ASIC2: variants seen among roughly 807,000 people sequenced by gnomAD.
The protein encoded by ASIC2 is acid-sensing ion channel 2.
A neutral mutation model predicts 57.3 loss-of-function variants in ASIC2; 25 were observed. The ratio of observed to expected loss-of-function variants is 0.44; its 90% CI spans 0.32 to 0.61. ASIC2 has a LOEUF of 0.61. Among genes scored for constraint, ASIC2 ranks in the 20% least tolerant of loss-of-function variants. The pLI is 0.06. For synonymous variants in ASIC2, 319 were observed against 307.5 expected (o/e 1.04, Z -0.39); for missense variants, 641 against 738.1 (o/e 0.87, Z 1.52).
At chr17:34,026,020 A>C (rs1374518977) in intron 1 of ASIC2, among the ~76,000 whole-genome samples, 1 of 152,238 alleles carries the variant, frequency 6.6e-6, no homozygotes, top group Non-Finnish European at 1.5e-5. Context: ...TTAATCTCAC[A>C]GAATTCAGAG....
chr17:33,331,026 G>T (rs557062515), intron 1 of ASIC2, among the ~76,000 whole-genome samples: 31 of 152,196 alleles, frequency 2.0e-4, no homozygotes, highest in African/African-American at 7.5e-4. Flanking sequence ...TGCACAGGAG[G>T]AGGTGAGTGG....
intron 1 of ASIC2, among the ~76,000 whole-genome samples, chr17:33,329,938 G>C (rs987411588): frequency 6.6e-6 from 1 of 152,134 alleles, no homozygotes; most frequent in Non-Finnish European, 1.5e-5. Context: ...GGAACGGGCT[G>C]TCCTCTCACC....
At chr17:33,261,516 G>C (rs971288376) in intron 1 of ASIC2, among the ~76,000 whole-genome samples, 1 of 152,176 alleles carries the variant, frequency 6.6e-6, no homozygotes, top group African/African-American at 2.4e-5. Context: ...TGAGTGACAT[G>C]TCTGGTTTCT....
At chr17:33,504,021 G>A (rs2141943905) in intron 1 of ASIC2, among the ~76,000 whole-genome samples, 1 of 152,346 alleles carries the variant, frequency 6.6e-6, no homozygotes, top group Non-Finnish European at 1.5e-5. Flanking sequence ...AGATATTTAT[G>A]CTTTTCAAGA....
intron 1 of ASIC2, among the ~76,000 whole-genome samples, chr17:33,428,876 C>T (rs1259703364): frequency 6.6e-6 from 1 of 152,214 alleles, no homozygotes; most frequent in East Asian, 1.9e-4. Flanking sequence ...TGTCTGTCCT[C>T]AAATTTCCAT....
intron 1 of ASIC2, among the ~76,000 whole-genome samples, chr17:33,641,023 T>C (rs1323428810): frequency 6.6e-6 from 1 of 152,160 alleles, no homozygotes; most frequent in Admixed American, 6.5e-5. Context: ...GAAGGGGTCT[T>C]CTTTAGGCCA....
At chr17:33,142,918 G>A in intron 1 of ASIC2, among the ~76,000 whole-genome samples, 1 of 152,186 alleles carries the variant, frequency 6.6e-6, no homozygotes, top group East Asian at 1.9e-4. Context: ...ACTGTCCATG[G>A]TCCTGAAGGC....
intron 1 of ASIC2, among the ~76,000 whole-genome samples, chr17:33,335,903 A>G (rs181256310): frequency 3.4e-4 from 52 of 152,354 alleles, no homozygotes; most frequent in African/African-American, 1.2e-3. Flanking sequence ...AAGTGCTAAT[A>G]GACTCACAGG....
chr17:33,483,142 A>C (rs926390777), intron 1 of ASIC2, among the ~76,000 whole-genome samples: 18 of 152,170 alleles, frequency 1.2e-4, no homozygotes, highest in Non-Finnish European at 1.5e-5. Context: ...ACACAGATCT[A>C]CGCGGCCTCC....
intron 1 of ASIC2, among the ~76,000 whole-genome samples, chr17:33,483,844 G>A (rs1913492517): frequency 6.6e-6 from 1 of 152,150 alleles, no homozygotes; most frequent in Non-Finnish European, 1.5e-5. Flanking sequence ...CATGACAAAA[G>A]GGCCCTTGCA....
rs529874750 is a variant in ASIC2, at chr17:34,039,701, T to C, written c.555+116277A>G. ...TTTCTTTTCCGATTTCGCTGGTCAT[T>C]CTGCTTTTTCTTGGGAGTCTCTACT... On this transcript the variant is annotated intron_variant, in intron 1 of 9. Transcript: ENST00000359872. The C allele has an allele frequency of 2.7e-5, 44 of 1,612,358 alleles. No homozygotes were observed. The Admixed American group carries it at 7.2e-4, about 26-fold the overall frequency.
intron 1 of ASIC2, among the ~76,000 whole-genome samples, chr17:33,825,301 C>G (rs1319648842): frequency 1.3e-5 from 2 of 151,978 alleles, no homozygotes; most frequent in African/African-American, 4.8e-5. Context: ...TCAAAGAAGA[C>G]CAAAGCAATA....
intron 1 of ASIC2, among the ~76,000 whole-genome samples, chr17:33,629,623 A>T (rs536673396): frequency 1.3e-5 from 2 of 152,208 alleles, no homozygotes; most frequent in East Asian, 3.9e-4. Flanking sequence ...TCCCTGGGAG[A>T]GCTGGGAAGG....
At chr17:33,083,432 G>A (rs564459851) in intron 3 of ASIC2, among the ~76,000 whole-genome samples, 2 of 152,302 alleles carry the variant, frequency 1.3e-5, no homozygotes, top group East Asian at 3.9e-4. Flanking sequence ...CAGGGGCCAG[G>A]TCTCGCTTAT....
chr17:33,269,532 C>T (rs1904359787), intron 1 of ASIC2, among the ~76,000 whole-genome samples: 2 of 152,216 alleles, frequency 1.3e-5, no homozygotes, highest in East Asian at 1.9e-4. Flanking sequence ...CCTGGTCCCA[C>T]AGGCCCCCAG....
At chr17:33,561,638 T>C (rs1916076218) in intron 1 of ASIC2, among the ~76,000 whole-genome samples, 1 of 152,196 alleles carries the variant, frequency 6.6e-6, no homozygotes, top group African/African-American at 2.4e-5. Context: ...CACTTTGGTG[T>C]TTTTATTCAG....
chr17:33,267,981 C>T (rs1909534325), intron 1 of ASIC2, among the ~76,000 whole-genome samples: 1 of 152,084 alleles, frequency 6.6e-6, no homozygotes, highest in Non-Finnish European at 1.5e-5. Context: ...TTATCGGTTC[C>T]TCACCGTGCA....
intron 1 of ASIC2, among the ~76,000 whole-genome samples, chr17:33,153,861 A>G (rs1904893491): frequency 6.6e-6 from 1 of 152,146 alleles, no homozygotes; most frequent in African/African-American, 2.4e-5. Context: ...GGGCCTGGCC[A>G]CCTTGGCCCA....
intron 1 of ASIC2, among the ~76,000 whole-genome samples, chr17:33,526,061 G>A (rs1423764413): frequency 6.6e-6 from 1 of 152,136 alleles, no homozygotes; most frequent in Non-Finnish European, 1.5e-5. Flanking sequence ...ATAATATGGT[G>A]ACCAAAAAGT....
Sources: allele counts gnomAD v4.1 joint callset (sites outside exome capture counted in the v4.1 genomes callset), GRCh38; gene constraint gnomAD v4.1.1; transcripts MANE v1.5; gene names NCBI Gene and HGNC (gene_info 2026-07-23, HGNC 2026-07-21).